PHTF1: variants seen among roughly 807,000 people sequenced by gnomAD.
PHTF1 encodes the protein putative homeodomain transcription factor 1.
PHTF1 carries 88 observed loss-of-function variants against 102.4 expected under a neutral mutation model. The ratio of observed to expected loss-of-function variants is 0.86; its 90% CI spans 0.72 to 1.03. The LOEUF is 1.03. Ranked by LOEUF, PHTF1 falls within the 50% of genes least tolerant of loss-of-function variation. The probability of loss-of-function intolerance (pLI) is 0.00; values close to 1 mark genes in which losing one functional copy is unlikely to be tolerated. For synonymous variants in PHTF1, 289 were observed against 305.2 expected, an observed-to-expected ratio of 0.95 and a Z score of 0.55; for missense variants, 814 against 909.5, an observed-to-expected ratio of 0.89 and a Z score of 1.35.
At chr1:113,707,577 G>A (rs1650400730) in intron 11 of PHTF1, among the ~76,000 whole-genome samples, 1 of 152,140 alleles carries the variant, frequency 6.6e-6, no homozygotes, top group Non-Finnish European at 1.5e-5. Context: ...TAATCTTCTA[G>A]AAAAGGACCA....
At chr1:113,726,806 A>G (rs928046860) in intron 5 of PHTF1, among the ~76,000 whole-genome samples, 8 of 152,210 alleles carry the variant, frequency 5.3e-5, no homozygotes, top group African/African-American at 1.9e-4. Flanking sequence ...TAGCAGCATG[A>G]TAATTTAGAT....
At chr1:113,713,171 G>A (rs1651412352) in intron 8 of PHTF1, 108 bp downstream of exon 8, 1 of 967,420 alleles carries the variant, frequency 1.0e-6, no homozygotes. Context: ...TACTTGTTAG[G>A]ACAAATTTAT....
intron 3 of PHTF1, among the ~76,000 whole-genome samples, chr1:113,750,579 C>A (rs1657902611): frequency 6.6e-6 from 1 of 152,052 alleles, no homozygotes; most frequent in Non-Finnish European, 1.5e-5. Context: ...GTAAAAGGGG[C>A]CAGGCGTGGT....
chr1:113,734,165 C>T (rs535005876), intron 5 of PHTF1, among the ~76,000 whole-genome samples: 1 of 152,258 alleles, frequency 6.6e-6, no homozygotes, highest in East Asian at 1.9e-4. Context: ...GAGGCTAAGG[C>T]AGGAGAATCA....
intron 7 of PHTF1, among the ~76,000 whole-genome samples, chr1:113,719,175 A>AT (rs1163015475): frequency 6.6e-6 from 1 of 151,468 alleles, no homozygotes; most frequent in Non-Finnish European, 1.5e-5. Flanking sequence ...TAATTTTTGT[A>AT]TTTTTTTAGT....
chr1:113,758,839 C>G (rs1490071165), intron 1 of PHTF1, 106 bp from the exon 2 acceptor site: 22 of 1,369,204 alleles, frequency 1.6e-5, no homozygotes, highest in Admixed American at 3.4e-5. Context: ...ATGAGCTGCT[C>G]TTTCTCCAGC....
intron 5 of PHTF1, among the ~76,000 whole-genome samples, chr1:113,735,301 G>A (rs1375109543): frequency 7.2e-6 from 1 of 139,584 alleles, no homozygotes; most frequent in East Asian, 2.1e-4. Context: ...GGGAGGCAGA[G>A]GTTGCAGTGA....
At chr1:113,715,643 T>C (rs1371000375) in intron 7 of PHTF1, among the ~76,000 whole-genome samples, 1 of 22,140 alleles carries the variant, frequency 4.5e-5, no homozygotes, top group African/African-American at 1.4e-4. Flanking sequence ...AGTGAAACCC[T>C]GTCTCAAAAA....
At chr1:113,704,947 T>C (rs1276961254) in intron 13 of PHTF1, 150 bp from the exon 14 acceptor site, 1 of 600,668 alleles carries the variant, frequency 1.7e-6, no homozygotes, top group African/African-American at 1.9e-5. Flanking sequence ...AAATTTTCAT[T>C]AATAGCTCGT....
intron 3 of PHTF1, among the ~76,000 whole-genome samples, chr1:113,744,925 G>A (rs568563646): frequency 6.6e-6 from 1 of 151,230 alleles, no homozygotes; most frequent in Non-Finnish European, 1.5e-5. Flanking sequence ...CTCTAGCCTG[G>A]GTGACAGAGC....
intron 7 of PHTF1, among the ~76,000 whole-genome samples, chr1:113,717,297 G>A (rs1652214045): frequency 6.6e-6 from 1 of 151,978 alleles, no homozygotes; most frequent in Non-Finnish European, 1.5e-5. Context: ...AGGAAGATAG[G>A]AAGGAAAGAA....
At chr1:113,734,612 G>T (rs1302665050) in intron 5 of PHTF1, among the ~76,000 whole-genome samples, 1 of 152,202 alleles carries the variant, frequency 6.6e-6, no homozygotes, top group Non-Finnish European at 1.5e-5. Flanking sequence ...TGTGCTTATA[G>T]TAAAATGTGA....
intron 3 of PHTF1, among the ~76,000 whole-genome samples, chr1:113,755,098 T>C (rs1658645474): frequency 6.6e-6 from 1 of 152,016 alleles, no homozygotes; most frequent in African/African-American, 2.4e-5. Flanking sequence ...TACTTTTAAA[T>C]ATATAATTTT....
chr1:113,701,437 G>A (rs899021255), intron 15 of PHTF1, among the ~76,000 whole-genome samples: 14 of 152,158 alleles, frequency 9.2e-5, no homozygotes, highest in African/African-American at 2.7e-4. Flanking sequence ...CAAATTTTCC[G>A]GTAAAAGGTT....
intron 7 of PHTF1, among the ~76,000 whole-genome samples, chr1:113,719,267 T>C (rs1222807997): frequency 6.6e-6 from 1 of 152,104 alleles, no homozygotes; most frequent in African/African-American, 2.4e-5. Context: ...CCTCCCAAAG[T>C]GCTGGGATTA....
At chr1:113,753,791 C>T (rs1025552361) in intron 3 of PHTF1, among the ~76,000 whole-genome samples, 3 of 151,644 alleles carry the variant, frequency 2.0e-5, no homozygotes, top group African/African-American at 7.3e-5. Context: ...CCTCTCACCT[C>T]AGTCTCCTGA....
At chr1:113,711,353 T>C (rs1019965377) in intron 10 of PHTF1, among the ~76,000 whole-genome samples, 1 of 152,238 alleles carries the variant, frequency 6.6e-6, no homozygotes, top group Admixed American at 6.5e-5. Context: ...TAATATAATA[T>C]GCCCTTTAGC....
At chr1:113,740,290 T>G (rs948392990) in intron 3 of PHTF1, among the ~76,000 whole-genome samples, 1 of 152,154 alleles carries the variant, frequency 6.6e-6, no homozygotes, top group Non-Finnish European at 1.5e-5. Flanking sequence ...GGTATCTCAT[T>G]GCGGTTTTGA....
intron 3 of PHTF1, among the ~76,000 whole-genome samples, chr1:113,751,509 T>G (rs1418913281): frequency 6.6e-6 from 1 of 152,232 alleles, no homozygotes; most frequent in Non-Finnish European, 1.5e-5. Context: ...ATTTTTTATG[T>G]TCATCCATGA....
Sources: allele counts gnomAD v4.1 joint callset (sites outside exome capture counted in the v4.1 genomes callset), GRCh38; gene constraint gnomAD v4.1.1; transcripts MANE v1.5; gene names NCBI Gene and HGNC (gene_info 2026-07-23, HGNC 2026-07-21).